RIT2: variants seen among roughly 807,000 people sequenced by gnomAD.
RIT2 encodes Ras like without CAAX 2, also known as GTP-binding protein Rit2.
In RIT2, 24 loss-of-function variants were observed where a neutral mutation model predicts 23.7. The observed-to-expected ratio is 1.01, with a 90% CI of 0.73 to 1.43. The LOEUF is 1.43. Ranked by LOEUF, RIT2 falls within the 40% of genes most tolerant of loss-of-function variation. The pLI is 0.00. For synonymous variants in RIT2, 107 were observed against 91.1 expected (o/e 1.17, Z -0.99); for missense variants, 236 against 266.9 (o/e 0.88, Z 0.81).
At chr18:42,975,864 A>G (rs749082973) in intron 2 of RIT2, among the ~76,000 whole-genome samples, 4 of 152,052 alleles carry the variant, frequency 2.6e-5, no homozygotes, top group Admixed American at 1.3e-4. Context: ...TGCTGACATC[A>G]TGTACCCCAG....
chr18:43,003,761 GACACACACACAC>G lies in RIT2; in HGVS notation c.161-29626_161-29615del, dbSNP rs56860348. On this transcript the variant is annotated intron_variant, in intron 2 of 4. Coordinates refer to ENST00000326695, the MANE Select transcript of RIT2 (RefSeq NM_002930.4). ...CATTACTTTTTTTTTCCTCCTCAGT[GACACACACACAC>G]ACACACACACACACACACACACACA... 9.9e-3 allele frequency among the ~76,000 whole-genome samples: 1,280 copies of G among 129,528 alleles called. 12 individuals are homozygous for G. Among genetic ancestry groups the G allele is most frequent in the African/African-American group, 0.022 (774 of 35,510 alleles). 85.0% of individuals were successfully genotyped at this position (129,528 alleles called of 152,430 possible). A position where few individuals can be genotyped will look rare whatever the true frequency, so the allele number is the denominator to read the frequency against.
intron 4 of RIT2, among the ~76,000 whole-genome samples, chr18:42,845,623 C>A (rs542190973): frequency 2.0e-5 from 3 of 149,550 alleles, no homozygotes; most frequent in Non-Finnish European, 4.5e-5. Flanking sequence ...AATTTCCTTA[C>A]ATTCCAAATA....
In RIT2 at chr18:43,014,415, C is replaced by CT. The variant is rs1052428571; in HGVS notation, c.160+19395dup. ...GTACAGCATTGCAGGACATACTACCCTTTTTTTTCTCCTGTTAAGGAAAGT... is the reference window on the plus strand; with the variant it reads ...GTACAGCATTGCAGGACATACTACCCTTTTTTTTTCTCCTGTTAAGGAAAGT... On this transcript the variant is annotated intron_variant, in intron 2 of 4. Coordinates refer to ENST00000326695, the MANE Select transcript of RIT2 (RefSeq NM_002930.4). 5.9e-5 allele frequency among the ~76,000 whole-genome samples: 9 copies of CT among 151,468 alleles called. No individual in the cohort carries two copies. In the South Asian group the frequency reaches 8.3e-4, roughly 14 times the overall value.
chr18:42,763,198 C>G (rs763877230), intron 4 of RIT2, among the ~76,000 whole-genome samples: 5 of 152,214 alleles, frequency 3.3e-5, no homozygotes, highest in Non-Finnish European at 7.3e-5. Context: ...TGCTGTGGCT[C>G]ACGCCTGTAA....
intron 4 of RIT2, among the ~76,000 whole-genome samples, chr18:42,834,760 C>T (rs1906552468): frequency 6.6e-6 from 1 of 152,044 alleles, no homozygotes; most frequent in South Asian, 2.1e-4. Flanking sequence ...ACTATTTTTT[C>T]AAACAATATC....
chr18:42,885,327 C>T (rs1160641949), intron 4 of RIT2, among the ~76,000 whole-genome samples: 1 of 152,122 alleles, frequency 6.6e-6, no homozygotes, highest in Non-Finnish European at 1.5e-5. Flanking sequence ...GGCTCACGCC[C>T]CTAATCCCAG....
At chr18:43,111,759 C>A (rs1337431404) in intron 1 of RIT2, among the ~76,000 whole-genome samples, 1 of 152,040 alleles carries the variant, frequency 6.6e-6, no homozygotes, top group East Asian at 1.9e-4. Flanking sequence ...AGTTTTGATT[C>A]AGCTTACTCT....
At chr18:43,016,371 GT>G (rs1405490539) in intron 2 of RIT2, among the ~76,000 whole-genome samples, 1 of 151,578 alleles carries the variant, frequency 6.6e-6, no homozygotes, top group East Asian at 1.9e-4. Flanking sequence ...TTTCATTTTT[GT>G]TTTTAAAAAT....
At chr18:42,934,919 GA>G (rs1909414545) in intron 3 of RIT2, among the ~76,000 whole-genome samples, 1 of 151,964 alleles carries the variant, frequency 6.6e-6, no homozygotes, top group African/African-American at 2.4e-5. Flanking sequence ...ACTACCATTG[GA>G]AAACAAAATG....
chr18:42,939,504 T>C (rs1909542117), intron 3 of RIT2, among the ~76,000 whole-genome samples: 1 of 152,148 alleles, frequency 6.6e-6, no homozygotes, highest in Non-Finnish European at 1.5e-5. Context: ...CTGACAGAGC[T>C]ACAAATAAGC....
chr18:42,808,316 C>G (rs924066607), intron 4 of RIT2, among the ~76,000 whole-genome samples: 4 of 152,094 alleles, frequency 2.6e-5, no homozygotes, highest in Non-Finnish European at 4.4e-5. Flanking sequence ...TCAAGAGGAT[C>G]TGGAAAATGA....
Position 42,892,984 on chromosome 18 carries a change from A to G in RIT2, c.426+30588T>C, listed in dbSNP as rs536611045. ...AAATTATTAGTAAAGCATGGAGGCCATTTTTGGAAATTGTATCACAATAGA... is the reference window on the plus strand; with the variant it reads ...AAATTATTAGTAAAGCATGGAGGCCGTTTTTGGAAATTGTATCACAATAGA... On this transcript the variant is annotated intron_variant, in intron 4 of 4. Transcript: ENST00000326695. Among the ~76,000 whole-genome samples the G allele has an allele frequency of 2.0e-5, 3 of 152,254 alleles. No individual in the cohort carries two copies. In the East Asian group the frequency reaches 5.8e-4, roughly 29 times the overall value.
At chr18:42,973,156 CTT>C (rs1910400113) in intron 3 of RIT2, among the ~76,000 whole-genome samples, 1 of 151,674 alleles carries the variant, frequency 6.6e-6, no homozygotes. Context: ...CCATTTGTCT[CTT>C]TTAACCCAAA....
chr18:42,881,096 G>T (rs1362354848), intron 4 of RIT2, among the ~76,000 whole-genome samples: 1 of 152,036 alleles, frequency 6.6e-6, no homozygotes, highest in African/African-American at 2.4e-5. Context: ...GTGAGCCACT[G>T]CACCCACCCA....
At chr18:42,831,485 G>C (rs1406899025) in intron 4 of RIT2, among the ~76,000 whole-genome samples, 2 of 151,828 alleles carry the variant, frequency 1.3e-5, no homozygotes, top group African/African-American at 4.8e-5. Context: ...TTGTTACTTT[G>C]GGCACATTTG....
intron 2 of RIT2, among the ~76,000 whole-genome samples, chr18:42,993,977 G>A (rs937612771): frequency 6.6e-5 from 10 of 151,884 alleles, no homozygotes; most frequent in African/African-American, 2.4e-4. Flanking sequence ...CATTTTACCT[G>A]TCCAAAAACC....
intron 1 of RIT2, among the ~76,000 whole-genome samples, chr18:43,084,572 G>T (rs1269557930): frequency 6.6e-6 from 1 of 152,158 alleles, no homozygotes; most frequent in Non-Finnish European, 1.5e-5. Context: ...ATGAGTTCAT[G>T]TCCTTTGCAG....
intron 4 of RIT2, 42 bp from the exon 5 acceptor site, chr18:42,743,762 A>T (rs1912852286): frequency 7.0e-7 from 1 of 1,429,226 alleles, no homozygotes; most frequent in Non-Finnish European, 9.6e-7. Context: ...AGAAAGAGAA[A>T]GACTCTTCAA....
intron 3 of RIT2, among the ~76,000 whole-genome samples, chr18:42,942,464 A>T (rs1909626945): frequency 6.6e-6 from 1 of 152,032 alleles, no homozygotes; most frequent in Non-Finnish European, 1.5e-5. Flanking sequence ...TCTTCCTTTA[A>T]CTGTTACCAT....
Sources: gnomAD v4.1 joint callset for allele counts (sites outside exome capture counted in the v4.1 genomes callset) on GRCh38, gnomAD v4.1.1 for gene constraint, MANE v1.5 for transcripts, NCBI Gene and HGNC (gene_info 2026-07-23, HGNC 2026-07-21) for gene names.